Variants in PODN observed in about 807,000 individuals in gnomAD.
PODN encodes podocan.
In PODN, 40 loss-of-function variants were observed where a neutral mutation model predicts 52.7. The observed-to-expected ratio is 0.76, with a 90% CI of 0.59 to 0.99. The LOEUF (loss-of-function observed/expected upper bound fraction) is 0.99, where lower values mean the gene tolerates loss of function less well. Ranked by LOEUF, PODN falls within the 50% of genes least tolerant of loss-of-function variation. The probability of loss-of-function intolerance (pLI) is 0.00; values close to 1 mark genes in which losing one functional copy is unlikely to be tolerated. For missense variants in PODN, 720 were observed against 815.1 expected, an observed-to-expected ratio of 0.88 and a Z score of 1.42; for synonymous variants, 396 against 377.9, an observed-to-expected ratio of 1.05 and a Z score of -0.56.
intron 4 of PODN, among the ~76,000 whole-genome samples, chr1:53,075,339 C>T (rs1189401288): frequency 1.3e-5 from 2 of 152,234 alleles, no homozygotes; most frequent in African/African-American, 4.8e-5. Context: ...CCCAGCTCTG[C>T]AAGGGGGCAT....
At position 53,065,248 on chromosome 1, in the gene PODN, C is replaced by T. The variant is rs570649015; in HGVS notation, c.-56+2940C>T. Among the ~76,000 whole-genome samples the T allele has an allele frequency of 2.0e-5, 3 of 152,060 alleles. No individual in the cohort carries two copies. In the East Asian group the frequency reaches 5.8e-4, roughly 29 times the overall value. Reference sequence around the variant, plus strand: ...GCACATGCCTGTAGTTTCAGCTACTCGGGAGGCTGAGGTGGGAGGATCACC... The same window carrying T: ...GCACATGCCTGTAGTTTCAGCTACTTGGGAGGCTGAGGTGGGAGGATCACC... On this transcript the variant is annotated intron_variant, in intron 1 of 10. Coordinates refer to ENST00000312553, the MANE Select transcript of PODN (RefSeq NM_153703.5).
At chr1:53,075,269 C>T (rs1431057027) in intron 4 of PODN, among the ~76,000 whole-genome samples, 2 of 152,188 alleles carry the variant, frequency 1.3e-5, no homozygotes, top group African/African-American at 2.4e-5. Context: ...CCTAGACATC[C>T]AGTGGAAGGA....
chr1:53,076,491 C>T (rs868366135), intron 5 of PODN, among the ~76,000 whole-genome samples: 1 of 152,150 alleles, frequency 6.6e-6, no homozygotes, highest in Non-Finnish European at 1.5e-5. Context: ...ACGGGCCACA[C>T]AGCAAAACTG....
At chr1:53,066,551 C>T (rs534428131) in intron 1 of PODN, among the ~76,000 whole-genome samples, 7 of 152,082 alleles carry the variant, frequency 4.6e-5, no homozygotes, top group Non-Finnish European at 8.8e-5. Flanking sequence ...ATGGAGTGAA[C>T]GGTGCAGCTG....
chr1:53,077,136 T>C, intron 5 of PODN, 54 bp from the exon 6 acceptor site: 1 of 1,589,786 alleles, frequency 6.3e-7, no homozygotes, highest in Non-Finnish European at 8.6e-7. Context: ...CCAGTTGAGC[T>C]GGCGCAGGGC....
chr1:53,077,484 G>A (rs1379325996), intron 6 of PODN, 138 bp downstream of exon 6: 6 of 1,351,386 alleles, frequency 4.4e-6, no homozygotes, highest in Admixed American at 2.4e-5. Context: ...ACAGCAAGGA[G>A]TCTACTGTGG....
chr1:53,080,944 A>G, intron 9 of PODN, 68 bp downstream of exon 9: 1 of 1,579,946 alleles, frequency 6.3e-7, no homozygotes, highest in African/African-American at 1.3e-5. Context: ...GGGACAGTTG[A>G]TGCACGTGGG....
At position 53,082,061 on chromosome 1, in the gene PODN, G is replaced by A. The variant is rs1644303594; in HGVS notation, c.1742G>A (p.Gly581Asp). Residue 581 changes from glycine (G) to aspartate (D), a missense_variant, in exon 10 of 11, where the codon GGC (glycine) becomes GAC (aspartate). By Grantham distance (94) the Gly-to-Asp change is moderately conservative (BLOSUM62 -1). Coordinates refer to ENST00000312553, the MANE Select transcript of PODN (RefSeq NM_153703.5). ...LKHLQVLDIE[G>D]NLEFGDISKD... ...CACCTGCAGGTCTTGGACATTGAAG[G>A]CAACTTAGAGTTTGGTGACATTTCC... 6.2e-7 allele frequency: 1 copy of A among 1,614,060 alleles called. No individual in the cohort carries two copies. Among genetic ancestry groups the A allele is most frequent in the African/African-American group, 1.3e-5 (1 of 75,024 alleles).
chr1:53,077,718 T>C lies in PODN; in HGVS notation c.772T>C (p.Phe258Leu). 1.2e-6 allele frequency: 2 copies of C among 1,613,566 alleles called. No individual in the cohort carries two copies. Among genetic ancestry groups the C allele is most frequent in the Non-Finnish European group, 8.5e-7 (1 of 1,179,928 alleles). Reference protein sequence around the residue: ...NKLEKIPPGAFSELSSLRELY... With the variant: ...NKLEKIPPGALSELSSLRELY... ...GCTGGAGAAGATCCCCCCGGGGGCC[T>C]TCAGCGAGCTGAGCAGCCTGCGCGA... The change falls in exon 7 of 11, where the codon TTC (phenylalanine) becomes CTC (leucine). Residue 258 changes from phenylalanine (F) to leucine (L), a missense_variant. By Grantham distance (22) the Phe-to-Leu change is conservative. Transcript: ENST00000312553.
intron 1 of PODN, among the ~76,000 whole-genome samples, chr1:53,064,518 T>A (rs983492171): frequency 5.3e-5 from 8 of 152,230 alleles, no homozygotes; most frequent in African/African-American, 1.9e-4. Context: ...AGTTGATTTG[T>A]ACTGACTTTG....
Position 53,070,080 on chromosome 1 carries a change from C to T in PODN, c.225C>T (p.Ser75=). 1 of 1,613,032 alleles carries T rather than the reference C, an allele frequency of 6.2e-7. No individual in the cohort carries two copies. Among genetic ancestry groups the T allele is most frequent in the Non-Finnish European group, 8.5e-7 (1 of 1,180,012 alleles). ...AVSCPRDCAC[S]QEGVVDCGGI... is the part of the protein sequence containing the mutation. ...GCTGCCCCCGAGACTGTGCCTGTTC[C>T]CAGGAGGGCGTCGTGGACTGTGGCG... Residue 75 remains serine, a synonymous_variant, in exon 2 of 11, where the codon TCC becomes TCT. Coordinates refer to ENST00000312553, the MANE Select transcript of PODN (RefSeq NM_153703.5).
chr1:53,074,876 C>G (rs1644172733), intron 4 of PODN, among the ~76,000 whole-genome samples: 1 of 152,086 alleles, frequency 6.6e-6, no homozygotes, highest in African/African-American at 2.4e-5. Flanking sequence ...GTCATGAAGA[C>G]AGAAGCCAAG....
At position 53,082,185 on chromosome 1, in the gene PODN, C is replaced by A; in HGVS notation, c.*24C>A. Reference sequence around the variant, plus strand: ...AGTGACAAGGTGATGCAGATGTGACCTAGGTATGTGGCCTGTATGGGGCAG... The same window carrying A: ...AGTGACAAGGTGATGCAGATGTGACATAGGTATGTGGCCTGTATGGGGCAG... On this transcript the variant is annotated 3_prime_UTR_variant, in exon 10 of 11. Coordinates refer to ENST00000312553, the MANE Select transcript of PODN (RefSeq NM_153703.5). 6.4e-7 allele frequency: 1 copy of A among 1,569,188 alleles called. No homozygotes were observed. The highest frequency in any genetic ancestry group is 1.2e-5 in the South Asian group (1 of 83,566).
rs944085801 is a variant in PODN at position 53,080,950 on chromosome 1, G to A, written c.1661+74G>A. ...GGCTCCAACGGGACAGTTGATGCAC[G>A]TGGGAACAGCTTGGCTCCACTGCTG... On this transcript the variant is annotated intron_variant, in intron 9 of 10. Transcript: ENST00000312553. The A allele has an allele frequency of 8.3e-6, 13 of 1,565,744 alleles. No homozygotes were observed. The Admixed American group carries it at 8.7e-5, about 10-fold the overall frequency.
At chr1:53,082,791 T>C (rs1158288951) in intron 10 of PODN, among the ~76,000 whole-genome samples, 1 of 152,024 alleles carries the variant, frequency 6.6e-6, no homozygotes, top group Non-Finnish European at 1.5e-5. Flanking sequence ...ACCACACACA[T>C]GCACACAGAC....
chr1:53,081,206 G>A (rs1644290244), intron 9 of PODN, among the ~76,000 whole-genome samples: 1 of 152,216 alleles, frequency 6.6e-6, no homozygotes, highest in Admixed American at 6.5e-5. Context: ...TCCAGGCTGG[G>A]TCCGGGCCTC....
chr1:53,074,549 T>G, intron 3 of PODN, 57 bp from the exon 4 acceptor site: 2 of 1,602,204 alleles, frequency 1.2e-6, no homozygotes, highest in Non-Finnish European at 1.7e-6. Context: ...GCGCTTGCTG[T>G]GCTTCCCTGT....
Position 53,071,518 on chromosome 1 carries a change from G to T in PODN, c.313-17G>T. On this transcript the variant is annotated splice_polypyrimidine_tract_variant and intron_variant, in intron 2 of 10. Transcript: ENST00000312553. ...ACTAGGCTGATGCTGCTTCCTTGCGGCCCCCTACCCCCCTAGAACAACCAG... is the reference window on the plus strand; with the variant it reads ...ACTAGGCTGATGCTGCTTCCTTGCGTCCCCCTACCCCCCTAGAACAACCAG... The T allele has an allele frequency of 6.2e-7, 1 of 1,606,370 alleles. No homozygotes were observed.
chr1:53,066,204 C>T (rs1644031466), intron 1 of PODN, among the ~76,000 whole-genome samples: 1 of 151,834 alleles, frequency 6.6e-6, no homozygotes, highest in Non-Finnish European at 1.5e-5. Flanking sequence ...GCCATCTTGC[C>T]CAGGCTGGTC....
Sources: gnomAD v4.1 joint callset for allele counts (sites outside exome capture counted in the v4.1 genomes callset) on GRCh38, gnomAD v4.1.1 for gene constraint, MANE v1.5 for transcripts, NCBI Gene and HGNC (gene_info 2026-07-23, HGNC 2026-07-21) for gene names.